Variants in ZNF793 observed in about 807,000 individuals in gnomAD.
ZNF793 encodes the protein zinc finger protein 793.
Under a neutral mutation model 12.4 loss-of-function variants are expected in ZNF793, and 5 were observed. The observed-to-expected ratio is 0.40, with a 90% confidence interval of 0.21 to 0.84. ZNF793 has a LOEUF of 0.84. Among genes scored for constraint, ZNF793 ranks in the 40% least tolerant of loss-of-function variants. The pLI is 0.35. For missense variants in ZNF793, 456 were observed against 495.0 expected (o/e 0.92, Z 0.75); for synonymous variants, 162 against 172.4 (o/e 0.94, Z 0.47).
intron 3 of ZNF793, among the ~76,000 whole-genome samples, chr19:37,521,429 CTTTTT>C (rs74174472): frequency 1.0e-5 from 1 of 97,002 alleles, no homozygotes; most frequent in African/African-American, 4.2e-5. Flanking sequence ...GGTCAATTCT[CTTTTT>C]TTTTTTTTTT....
At chr19:37,524,993 A>G (rs754378148) in intron 5 of ZNF793, among the ~76,000 whole-genome samples, 1 of 152,304 alleles carries the variant, frequency 6.6e-6, no homozygotes, top group Non-Finnish European at 1.5e-5. Flanking sequence ...TAGCTCCCCA[A>G]TGATACGACA....
intron 3 of ZNF793, among the ~76,000 whole-genome samples, chr19:37,522,052 C>T (rs1234564098): frequency 6.6e-6 from 1 of 151,894 alleles, no homozygotes; most frequent in Non-Finnish European, 1.5e-5. Context: ...TTTTCAAAAC[C>T]AGGCATTTGA....
chr19:37,522,266 T>G (rs2042381920), intron 3 of ZNF793, among the ~76,000 whole-genome samples: 1 of 152,108 alleles, frequency 6.6e-6, no homozygotes. Context: ...GGCGCGATCT[T>G]GGCTCACTGC....
At chr19:37,527,848 G>A (rs2042428215) in intron 5 of ZNF793, among the ~76,000 whole-genome samples, 1 of 152,328 alleles carries the variant, frequency 6.6e-6, no homozygotes, top group Admixed American at 6.5e-5. Context: ...GCCCTGTGCA[G>A]TGGCTCACGC....
chr19:37,513,026 T>A (rs552929448), intron 2 of ZNF793, among the ~76,000 whole-genome samples: 1 of 152,232 alleles, frequency 6.6e-6, no homozygotes, highest in African/African-American at 2.4e-5. Context: ...ATGATTAGAG[T>A]CATGTTGTAC....
intron 3 of ZNF793, among the ~76,000 whole-genome samples, chr19:37,521,046 G>A (rs2042371090): frequency 6.6e-6 from 1 of 150,724 alleles, no homozygotes; most frequent in Non-Finnish European, 1.5e-5. Flanking sequence ...GGAGTGCAGT[G>A]GCACATTCTC....
At chr19:37,527,532 C>T (rs1485161146) in intron 5 of ZNF793, among the ~76,000 whole-genome samples, 1 of 152,050 alleles carries the variant, frequency 6.6e-6, no homozygotes, top group East Asian at 1.9e-4. Flanking sequence ...TTATTATTTC[C>T]ATTGAACAGA....
intron 5 of ZNF793, among the ~76,000 whole-genome samples, chr19:37,524,308 G>A (rs2147083919): frequency 6.6e-6 from 1 of 151,864 alleles, no homozygotes; most frequent in East Asian, 1.9e-4. Flanking sequence ...GTAAAGATGG[G>A]GTCTTACTTA....
intron 5 of ZNF793, among the ~76,000 whole-genome samples, chr19:37,525,232 G>A (rs145772029): frequency 7.9e-4 from 118 of 150,312 alleles, no homozygotes; most frequent in African/African-American, 2.8e-3. Flanking sequence ...TCCTCCTTCC[G>A]GGTTCACGCC....
At position 37,542,990 on chromosome 19, in the gene ZNF793, C is replaced by T. The variant is rs2042561448; in HGVS notation, c.*5111C>T. The T allele has an allele frequency of 6.6e-6, 1 of 151,990 alleles. No homozygotes were observed. Among genetic ancestry groups the T allele is most frequent in the Non-Finnish European group, 1.5e-5 (1 of 68,034 alleles). The allele number at this position is 151,990 out of a possible 1,614,324, so 9.4% of individuals were successfully genotyped here. ...AATGACTGAATCACGGGTGATACCA[C>T]AAATGTGTGAGTTAGTAAATTTGGC... On this transcript the variant is annotated 3_prime_UTR_variant, in exon 8 of 8. Transcript: ENST00000627814.
chr19:37,527,316 A>T (rs1329910063), intron 5 of ZNF793, among the ~76,000 whole-genome samples: 1 of 152,158 alleles, frequency 6.6e-6, no homozygotes, highest in Admixed American at 6.5e-5. Context: ...AGCCTCCCAA[A>T]GTGCTGAGAT....
intron 4 of ZNF793, 70 bp from the exon 5 acceptor site, chr19:37,523,340 C>T (rs1168873171): frequency 1.6e-6 from 2 of 1,247,656 alleles, no homozygotes; most frequent in African/African-American, 1.5e-5. Flanking sequence ...ATTTCCAAGA[C>T]AGGCCTAGCT....
intron 2 of ZNF793, among the ~76,000 whole-genome samples, chr19:37,514,558 GTAGA>G (rs1364258191): frequency 1.2e-4 from 16 of 132,058 alleles, no homozygotes; most frequent in African/African-American, 2.6e-4. Context: ...CCTGTCTCCA[GTAGA>G]TAGATAGATA....
chr19:37,537,933 T>C lies in ZNF793; in HGVS notation c.*54T>C. The C allele has an allele frequency of 7.0e-7, 1 of 1,434,068 alleles. No homozygotes were observed. Among genetic ancestry groups the C allele is most frequent in the Non-Finnish European group, 9.2e-7 (1 of 1,090,962 alleles). The allele number at this position is 1,434,068 out of a possible 1,614,324, so 88.8% of individuals were successfully genotyped here. A position where few individuals can be genotyped will look rare whatever the true frequency, so the allele number is the denominator to read the frequency against. ...GGAATTTTTTTTTTTTTTTTTTGAG[T>C]TGGAATCTCACTTTGTCACCCAGGC... On this transcript the variant is annotated 3_prime_UTR_variant, in exon 8 of 8. Coordinates refer to ENST00000627814, the MANE Select transcript of ZNF793 (RefSeq NM_001013659.3).
Position 37,533,561 on chromosome 19 carries a change from A to C in ZNF793, c.238+158A>C, listed in dbSNP as rs569184757. 287 of 618,194 alleles carry C rather than the reference A, an allele frequency of 4.6e-4. 1 individual carries two copies. The highest frequency in any genetic ancestry group is 7.5e-4 in the Non-Finnish European group (261 of 348,690). 38.3% of individuals were successfully genotyped at this position (618,194 alleles called of 1,614,324 possible). A position where few individuals can be genotyped will look rare whatever the true frequency, so the allele number is the denominator to read the frequency against. Reference sequence around the variant, plus strand: ...CATGCAACCCCACCGCCCATATCTGAGTGTTTTTCTCGGCTCTACTTGATT... The same window carrying C: ...CATGCAACCCCACCGCCCATATCTGCGTGTTTTTCTCGGCTCTACTTGATT... On this transcript the variant is annotated intron_variant, in intron 7 of 7. Coordinates refer to ENST00000627814, the MANE Select transcript of ZNF793 (RefSeq NM_001013659.3).
intron 2 of ZNF793, among the ~76,000 whole-genome samples, chr19:37,511,908 G>T (rs946646475): frequency 5.3e-5 from 8 of 152,076 alleles, no homozygotes; most frequent in Admixed American, 5.2e-4. Context: ...TTTAGGGACT[G>T]ACCATTGACT....
intron 2 of ZNF793, among the ~76,000 whole-genome samples, chr19:37,512,529 C>G (rs1226698398): frequency 6.6e-6 from 1 of 151,714 alleles, no homozygotes; most frequent in Non-Finnish European, 1.5e-5. Context: ...AATAATAATA[C>G]TAACAATAAT....
At chr19:37,532,701 C>T (rs1336627078) in intron 6 of ZNF793, among the ~76,000 whole-genome samples, 1 of 152,088 alleles carries the variant, frequency 6.6e-6, no homozygotes, top group African/African-American at 2.4e-5. Context: ...CGCCTGTAAT[C>T]CCAGCTACTC....
intron 6 of ZNF793, 23 bp from the exon 7 acceptor site, chr19:37,533,285 C>T (rs1202327260): frequency 6.8e-6 from 11 of 1,611,396 alleles, no homozygotes; most frequent in African/African-American, 1.3e-5. Context: ...AGCCCAAGAC[C>T]TGCATCAATT....
Sources: gnomAD v4.1 joint callset for allele counts (sites outside exome capture counted in the v4.1 genomes callset) on GRCh38, gnomAD v4.1.1 for gene constraint, MANE v1.5 for transcripts, NCBI Gene and HGNC (gene_info 2026-07-23, HGNC 2026-07-21) for gene names.